Variants in BLTP1 observed in about 807,000 individuals in gnomAD.
BLTP1 encodes the protein fragile site-associated protein.
chr4:122,208,849 C>A, the BLTP1 span, among the ~76,000 whole-genome samples: 4 of 151,524 alleles, frequency 2.6e-5, no homozygotes, highest in Non-Finnish European at 4.4e-5. Flanking sequence ...TGAGACTAGC[C>A]TTGGCAACAC....
At chr4:122,336,263 GA>G in the BLTP1 span, 1 of 1,612,582 alleles carries the variant, frequency 6.2e-7, no homozygotes, top group Non-Finnish European at 8.5e-7. Flanking sequence ...GTCATTGCCA[GA>G]AGAAATGGTT....
chr4:122,246,282 A>G, the BLTP1 span: 12 of 1,585,414 alleles, frequency 7.6e-6, no homozygotes, highest in South Asian at 1.2e-5. Context: ...CTTCAGACTA[A>G]TGTTAGCATA....
the BLTP1 span, chr4:122,270,526 G>A: frequency 1.9e-5 from 4 of 213,068 alleles, no homozygotes; most frequent in African/African-American, 7.1e-5. Context: ...GGTTTTGTGT[G>A]TATTTCTAAT....
the BLTP1 span, chr4:122,292,185 G>A: frequency 5.1e-6 from 1 of 196,562 alleles, no homozygotes; most frequent in Admixed American, 6.5e-5. Context: ...TGGCCAGGAT[G>A]GTCTTGATCT....
chr4:122,346,826 AC>A, the BLTP1 span: 1 of 1,561,722 alleles, frequency 6.4e-7, no homozygotes, highest in African/African-American at 1.4e-5. Context: ...GATAACACAA[AC>A]GTGATCTTAC....
At chr4:122,339,137 A>G in the BLTP1 span, 198 of 1,489,022 alleles carry the variant, frequency 1.3e-4, no homozygotes, top group Admixed American at 3.3e-4. Flanking sequence ...TGAACATTTC[A>G]ATATTATTTC....
chr4:122,237,045 T>G, the BLTP1 span: 14 of 984,848 alleles, frequency 1.4e-5, no homozygotes, highest in Non-Finnish European at 1.7e-5. Context: ...CAAGACCATT[T>G]TTTCTTTTGA....
the BLTP1 span, chr4:122,167,954 A>G: frequency 1.1e-6 from 1 of 933,760 alleles, no homozygotes; most frequent in Middle Eastern, 5.5e-4. Context: ...TCTCACTATT[A>G]AGGAATTGGT....
At chr4:122,333,842 G>C in the BLTP1 span, 1 of 1,578,588 alleles carries the variant, frequency 6.3e-7, no homozygotes. Flanking sequence ...TAAGGGATTA[G>C]ACTATTGGTA....
the BLTP1 span, among the ~76,000 whole-genome samples, chr4:122,285,353 G>C: frequency 4.6e-5 from 7 of 152,252 alleles, 1 homozygote; most frequent in South Asian, 1.0e-3. Flanking sequence ...TTCAATCTTG[G>C]AGTTTTTATT....
chr4:122,172,684 A>C, the BLTP1 span, among the ~76,000 whole-genome samples: 1 of 152,200 alleles, frequency 6.6e-6, no homozygotes, highest in African/African-American at 2.4e-5. Context: ...TAACTTGGGA[A>C]TGAACTTGTG....
chr4:122,283,712 G>A, the BLTP1 span, among the ~76,000 whole-genome samples: 7 of 152,062 alleles, frequency 4.6e-5, no homozygotes, highest in Non-Finnish European at 1.0e-4. Context: ...ATTTCACTGT[G>A]TTGCCTAGGC....
the BLTP1 span, chr4:122,315,429 C>T: frequency 6.2e-7 from 1 of 1,613,174 alleles, no homozygotes; most frequent in Non-Finnish European, 8.5e-7. Flanking sequence ...ATACCCAGGA[C>T]TTAACAAAAA....
the BLTP1 span, among the ~76,000 whole-genome samples, chr4:122,311,372 A>T: frequency 6.6e-6 from 1 of 152,100 alleles, no homozygotes; most frequent in African/African-American, 2.4e-5. Flanking sequence ...GTTTCTTGGG[A>T]GGGGGCCAGA....
the BLTP1 span, among the ~76,000 whole-genome samples, chr4:122,202,880 A>T: frequency 6.6e-6 from 1 of 151,752 alleles, no homozygotes; most frequent in Non-Finnish European, 1.5e-5. Flanking sequence ...ATTGAAATTC[A>T]CTCTTTTGGT....
chr4:122,192,094 C>A, the BLTP1 span: 1 of 753,682 alleles, frequency 1.3e-6, no homozygotes, highest in Non-Finnish European at 2.0e-6. Flanking sequence ...GAGAACAACC[C>A]CTTTTAGGTT....
the BLTP1 span, among the ~76,000 whole-genome samples, chr4:122,238,559 A>G: frequency 6.6e-6 from 1 of 152,270 alleles, no homozygotes; most frequent in Admixed American, 6.5e-5. Flanking sequence ...AGGAAAGTAC[A>G]GGAAAGTGTA....
the BLTP1 span, among the ~76,000 whole-genome samples, chr4:122,323,380 C>T: frequency 6.6e-6 from 1 of 150,682 alleles, no homozygotes; most frequent in Non-Finnish European, 1.5e-5. Context: ...GTCTAAAAAC[C>T]ACTTAAAAGG....
the BLTP1 span, chr4:122,339,528 T>C: frequency 1.4e-5 from 10 of 713,418 alleles, no homozygotes; most frequent in South Asian, 4.1e-5. Context: ...TATTTGAGGA[T>C]TATTTATAGA....
Sources: allele counts gnomAD v4.1 joint callset (sites outside exome capture counted in the v4.1 genomes callset), GRCh38; gene constraint gnomAD v4.1.1; transcripts MANE v1.5; gene names NCBI Gene and HGNC (gene_info 2026-07-23, HGNC 2026-07-21).